The following SRPK2 variants were observed in gnomAD, a reference collection of about 807,000 sequenced individuals.
SRPK2 encodes the protein SRSF protein kinase 2.
In SRPK2, 21 loss-of-function variants were observed where a neutral mutation model predicts 90.8. That is an observed-to-expected ratio of 0.23 (90% CI 0.16 to 0.33). The LOEUF (loss-of-function observed/expected upper bound fraction) is 0.33. Among genes scored for constraint, SRPK2 ranks in the 10% least tolerant of loss-of-function variants. The pLI is 1.00. For missense variants in SRPK2, 620 were observed against 869.0 expected, an observed-to-expected ratio of 0.71 and a Z score of 3.60; for synonymous variants, 288 against 311.1, an observed-to-expected ratio of 0.93 and a Z score of 0.78.
chr7:105,373,510 C>G (rs2132491158), intron 2 of SRPK2, among the ~76,000 whole-genome samples: 1 of 148,796 alleles, frequency 6.7e-6, no homozygotes, highest in Non-Finnish European at 1.5e-5. Flanking sequence ...TCAAGTGATT[C>G]TCATGCCTCA....
At position 105,116,390 on chromosome 7, in the gene SRPK2, C is replaced by G. The variant is rs1487426834; in HGVS notation, c.*1448G>C. The G allele has an allele frequency of 1.3e-5, 2 of 151,618 alleles. No homozygotes were observed. Among genetic ancestry groups the G allele is most frequent in the Non-Finnish European group, 3.0e-5 (2 of 67,754 alleles). 9.4% of individuals were successfully genotyped at this position (151,618 alleles called of 1,614,324 possible). A position where few individuals can be genotyped will look rare whatever the true frequency, so the allele number is the denominator to read the frequency against. On this transcript the variant is annotated 3_prime_UTR_variant, in exon 16 of 16. Transcript: ENST00000393651. Reference sequence around the variant, plus strand: ...AAGGCAATGTCTGGAAAAAAAAAAACCAAAACACTTTAATTTTTAAGACAA... The same window carrying G: ...AAGGCAATGTCTGGAAAAAAAAAAAGCAAAACACTTTAATTTTTAAGACAA...
chr7:105,172,538 T>A (rs1791288014), intron 3 of SRPK2, among the ~76,000 whole-genome samples: 1 of 152,176 alleles, frequency 6.6e-6, no homozygotes, highest in Non-Finnish European at 1.5e-5. Context: ...GAGACCTAGT[T>A]ACATTTTATA....
intron 2 of SRPK2, among the ~76,000 whole-genome samples, chr7:105,223,371 G>A (rs905624541): frequency 6.6e-6 from 1 of 152,168 alleles, no homozygotes; most frequent in African/African-American, 2.4e-5. Context: ...GACAGAACAC[G>A]GAGTTGAAGG....
intron 2 of SRPK2, among the ~76,000 whole-genome samples, chr7:105,326,997 A>G (rs1048581458): frequency 6.7e-6 from 1 of 150,236 alleles, no homozygotes; most frequent in East Asian, 2.0e-4. Context: ...CAGGAGGTGG[A>G]GGCTGCATAA....
intron 2 of SRPK2, among the ~76,000 whole-genome samples, chr7:105,363,532 G>A (rs1365663507): frequency 4.6e-5 from 7 of 152,114 alleles, no homozygotes; most frequent in African/African-American, 7.2e-5. Context: ...GAAACAACAC[G>A]TGCTGGAGAG....
intron 6 of SRPK2, among the ~76,000 whole-genome samples, chr7:105,166,700 T>C (rs547011806): frequency 2.7e-4 from 41 of 152,306 alleles, no homozygotes; most frequent in Admixed American, 1.6e-3. Flanking sequence ...TCAAGGAGTA[T>C]AGAAAATGCA....
At chr7:105,255,688 T>A (rs1261711433) in intron 2 of SRPK2, among the ~76,000 whole-genome samples, 1 of 152,134 alleles carries the variant, frequency 6.6e-6, no homozygotes. Context: ...TCCCAGCACT[T>A]TGGGAGGCTG....
intron 7 of SRPK2, among the ~76,000 whole-genome samples, chr7:105,148,378 T>A (rs934812510): frequency 6.6e-6 from 1 of 152,240 alleles, no homozygotes; most frequent in Non-Finnish European, 1.5e-5. Flanking sequence ...ATATTTCTCA[T>A]ATTAAAACAA....
At chr7:105,120,871 G>A (rs1401108657) in intron 15 of SRPK2, among the ~76,000 whole-genome samples, 2 of 152,084 alleles carry the variant, frequency 1.3e-5, no homozygotes, top group Non-Finnish European at 2.9e-5. Context: ...AACAAGAGTG[G>A]GCTCACTGAA....
chr7:105,297,593 T>C (rs1188984937), intron 2 of SRPK2: 1 of 646,998 alleles, frequency 1.5e-6, no homozygotes, highest in Non-Finnish European at 1.9e-6. Context: ...CACGCTACAA[T>C]TACCTAAAAG....
chr7:105,355,877 C>T (rs1001206280), intron 2 of SRPK2, among the ~76,000 whole-genome samples: 1 of 151,578 alleles, frequency 6.6e-6, no homozygotes, highest in Admixed American at 6.6e-5. Context: ...GGTGAAACCC[C>T]GTCTCTACAA....
chr7:105,340,651 C>T (rs182546509), intron 2 of SRPK2, among the ~76,000 whole-genome samples: 57 of 152,140 alleles, frequency 3.7e-4, no homozygotes, highest in African/African-American at 1.3e-3. Flanking sequence ...ACTATGTTTT[C>T]CATGCTTATC....
intron 2 of SRPK2, among the ~76,000 whole-genome samples, chr7:105,374,018 CTT>C (rs1210304957): frequency 6.6e-6 from 1 of 152,234 alleles, no homozygotes; most frequent in Non-Finnish European, 1.5e-5. Flanking sequence ...ACGTCTACCT[CTT>C]GTGTTCAATT....
At chr7:105,251,888 G>A (rs1199909530) in intron 2 of SRPK2, among the ~76,000 whole-genome samples, 2 of 152,162 alleles carry the variant, frequency 1.3e-5, no homozygotes, top group African/African-American at 2.4e-5. Flanking sequence ...CAGTGTCGTG[G>A]CTTGAGGGGG....
At chr7:105,384,399 T>C (rs1190841709) in intron 2 of SRPK2, among the ~76,000 whole-genome samples, 1 of 152,192 alleles carries the variant, frequency 6.6e-6, no homozygotes. Flanking sequence ...CAATTTCCAG[T>C]GTACCATAAA....
chr7:105,287,932 T>A (rs1019838661), intron 2 of SRPK2, among the ~76,000 whole-genome samples: 2 of 152,200 alleles, frequency 1.3e-5, no homozygotes, highest in Non-Finnish European at 2.9e-5. Flanking sequence ...TACATGCCTT[T>A]TGTGGTTATA....
In SRPK2 at chr7:105,312,354, C is replaced by T. The variant is rs536646493; in HGVS notation, c.71+76294G>A. On this transcript the variant is annotated intron_variant, in intron 2 of 15. Coordinates refer to ENST00000393651, the MANE Select transcript of SRPK2 (RefSeq NM_182692.3). ...ACTTGGGAGGCTGAGACTGGAGAAT[C>T]GTTTGAACCCAGGAGGCGGAGCTTG... Among the ~76,000 whole-genome samples, 19 of 139,016 alleles carry T rather than the reference C, an allele frequency of 1.4e-4. No individual in the cohort carries two copies. In the East Asian group the frequency reaches 4.4e-3, roughly 32 times the overall value. 91.2% of individuals were successfully genotyped at this position (139,016 alleles called of 152,430 possible).
At chr7:105,243,162 C>T (rs946910857) in intron 2 of SRPK2, among the ~76,000 whole-genome samples, 3 of 152,098 alleles carry the variant, frequency 2.0e-5, no homozygotes, top group Non-Finnish European at 2.9e-5. Context: ...ACCATCCCAG[C>T]TCCTTTTTCT....
rs1488586056 is a variant in SRPK2 at position 105,287,832 on chromosome 7, T to C, written c.72-84047A>G. ...CATAGGCAGGAAGATCTACCTTTAT[T>C]TGCACTTTAATTTTTTACAGATATT... On this transcript the variant is annotated intron_variant, in intron 2 of 15. Coordinates refer to ENST00000393651, the MANE Select transcript of SRPK2 (RefSeq NM_182692.3). 3.9e-5 allele frequency among the ~76,000 whole-genome samples: 6 copies of C among 152,176 alleles called. No individual in the cohort carries two copies. The East Asian group carries it at 9.6e-4, about 24-fold the overall frequency.
Sources: allele counts gnomAD v4.1 joint callset (sites outside exome capture counted in the v4.1 genomes callset), GRCh38; gene constraint gnomAD v4.1.1; transcripts MANE v1.5; gene names NCBI Gene and HGNC (gene_info 2026-07-23, HGNC 2026-07-21).